PHF7: variants seen among roughly 807,000 people sequenced by gnomAD.
PHF7 encodes the protein E3 ubiquitin-protein ligase PHF7.
A neutral mutation model predicts 47.5 loss-of-function variants in PHF7; 24 were observed. The observed-to-expected ratio is 0.51, with a 90% CI of 0.37 to 0.71. The LOEUF (loss-of-function observed/expected upper bound fraction) is 0.71. Among genes scored for constraint, PHF7 ranks in the 30% least tolerant of loss-of-function variants. The probability of loss-of-function intolerance (pLI) is 0.00; values close to 1 mark genes in which losing one functional copy is unlikely to be tolerated. For missense variants in PHF7, 361 were observed against 456.8 expected, an observed-to-expected ratio of 0.79 and a Z score of 1.91; for synonymous variants, 156 against 153.8, an observed-to-expected ratio of 1.01 and a Z score of -0.11.
At position 52,422,182 on chromosome 3, in the gene PHF7, C is replaced by T. The variant is rs112019952; in HGVS notation, c.681-40C>T. The T allele has an allele frequency of 1.4e-5, 19 of 1,362,848 alleles. 2 individuals are homozygous for T. Among genetic ancestry groups the T allele is most frequent in the African/African-American group, 1.0e-4 (7 of 70,118 alleles). 84.4% of individuals were successfully genotyped at this position (1,362,848 alleles called of 1,614,324 possible). A position where few individuals can be genotyped will look rare whatever the true frequency, so the allele number is the denominator to read the frequency against. On this transcript the variant is annotated intron_variant, in intron 8 of 10. Transcript: ENST00000327906. ...CCCTGATGGACAAAAGTTTCACCAA[C>T]CCATTATGTTCTTATTCACTGTTTC...
chr3:52,422,553 A>G (rs1705823810), intron 9 of PHF7: 2 of 656,424 alleles, frequency 3.0e-6, no homozygotes, highest in Non-Finnish European at 5.3e-6. Flanking sequence ...CAGTGGAGAG[A>G]CATTCAGAGC....
intron 10 of PHF7, 84 bp downstream of exon 10, chr3:52,422,965 C>T: frequency 6.4e-7 from 1 of 1,573,322 alleles, no homozygotes; most frequent in Non-Finnish European, 8.7e-7. Context: ...GAAGACATCC[C>T]ACCAGAGGGG....
chr3:52,421,562 C>A, intron 7 of PHF7, 86 bp from the exon 8 acceptor site: 1 of 814,882 alleles, frequency 1.2e-6, no homozygotes, highest in East Asian at 2.6e-5. Flanking sequence ...TAGCAACATC[C>A]TCTTTGTAGG....
At chr3:52,412,218 A>G (rs1005059612) in intron 1 of PHF7, among the ~76,000 whole-genome samples, 1 of 151,176 alleles carries the variant, frequency 6.6e-6, no homozygotes, top group Non-Finnish European at 1.5e-5. Context: ...AAAAAAAGTG[A>G]TAGAGCCTAG....
chr3:52,414,627 T>C, intron 4 of PHF7, 40 bp downstream of exon 4: 1 of 1,195,586 alleles, frequency 8.4e-7, no homozygotes, highest in Non-Finnish European at 1.2e-6. Flanking sequence ...ATCCTATGGC[T>C]TTTGGTGTAC....
intron 5 of PHF7, 154 bp downstream of exon 5, chr3:52,420,088 TA>T: frequency 1.3e-6 from 1 of 741,340 alleles, no homozygotes; most frequent in Non-Finnish European, 2.4e-6. Context: ...TCCTCTGGGG[TA>T]TGGGTGTCCT....
chr3:52,423,360 C>A lies in PHF7; in HGVS notation c.*43C>A. 1 of 1,295,288 alleles carries A rather than the reference C, an allele frequency of 7.7e-7. No individual in the cohort carries two copies. The highest frequency in any genetic ancestry group is 1.1e-6 in the Non-Finnish European group (1 of 902,868). 80.2% of individuals were successfully genotyped at this position (1,295,288 alleles called of 1,614,324 possible). A position where few individuals can be genotyped will look rare whatever the true frequency, so the allele number is the denominator to read the frequency against. ...CTGTCCCACACAATAGGGTATGAAG[C>A]TGCGCTCCTCCATCGGGTTTGGGGA... is the stretch of plus-strand genomic sequence containing the variant. On this transcript the variant is annotated 3_prime_UTR_variant, in exon 11 of 11. Coordinates refer to ENST00000327906, the MANE Select transcript of PHF7 (RefSeq NM_016483.7).
intron 8 of PHF7, chr3:52,421,997 T>G: frequency 1.7e-6 from 1 of 593,880 alleles, no homozygotes; most frequent in Non-Finnish European, 3.0e-6. Flanking sequence ...GGGGGTTGAG[T>G]TATTGGATTC....
chr3:52,414,708 G>C (rs1452142684), intron 4 of PHF7, 121 bp downstream of exon 4: 1 of 562,826 alleles, frequency 1.8e-6, no homozygotes, highest in Non-Finnish European at 3.1e-6. Context: ...TAGCTTTTTT[G>C]TTTTAAAATC....
chr3:52,417,025 AT>A (rs56060022), intron 4 of PHF7, among the ~76,000 whole-genome samples: 146,669 of 152,182 alleles, frequency 0.96, 70,718 homozygotes, highest in African/African-American at 0.99. Flanking sequence ...CAGTTTATCC[AT>A]TTTTTTCTTT....
At position 52,412,793 on chromosome 3, in the gene PHF7, C is replaced by A; in HGVS notation, c.-69-18C>A. ...ATACAGAATTAAATTGCTTACCAAA[C>A]CCCATTTATATTTATAGCTGGAAGA... On this transcript the variant is annotated intron_variant, in intron 1 of 10. Coordinates refer to ENST00000327906, the MANE Select transcript of PHF7 (RefSeq NM_016483.7). 1 of 1,120,694 alleles carries A rather than the reference C, an allele frequency of 8.9e-7. No homozygotes were observed. Among genetic ancestry groups the A allele is most frequent in the Non-Finnish European group, 1.3e-6 (1 of 753,854 alleles). 69.4% of individuals were successfully genotyped at this position (1,120,694 alleles called of 1,614,324 possible).
intron 2 of PHF7, 52 bp downstream of exon 2, chr3:52,412,972 G>A: frequency 7.1e-7 from 1 of 1,407,498 alleles, no homozygotes; most frequent in Non-Finnish European, 1.0e-6. Context: ...ATGGCCTGTG[G>A]TATAGGCTGC....
At chr3:52,421,112 G>C in intron 7 of PHF7, 50 bp downstream of exon 7, 1 of 1,506,644 alleles carries the variant, frequency 6.6e-7, no homozygotes, top group Non-Finnish European at 9.0e-7. Context: ...CTAGTTCTCT[G>C]CCTGGAACCA....
chr3:52,420,416 C>T lies in PHF7; in HGVS notation c.394C>T (p.Gln132Ter). The T allele has an allele frequency of 6.2e-7, 1 of 1,614,104 alleles. No individual in the cohort carries two copies. Among genetic ancestry groups the T allele is most frequent in the Non-Finnish European group, 8.5e-7 (1 of 1,179,980 alleles). Residue 132 changes from glutamine to a stop codon, truncating the protein, a stop_gained, in exon 6 of 11, where the codon CAA (glutamine) becomes TAA (stop). Transcript: ENST00000327906. LOFTEE classifies it high-confidence loss of function. Reference sequence around the variant, plus strand: ...TGGCCAAGAAAGGGGTTGCCTTTCACAATTTTTTGGAGAGTACAAGTGAGT... The same window carrying T: ...TGGCCAAGAAAGGGGTTGCCTTTCATAATTTTTTGGAGAGTACAAGTGAGT... Reference protein sequence around the residue: ...PCGQERGCLSQFFGEYKSFCD... With the variant: ...PCGQERGCLS
intron 9 of PHF7, 96 bp downstream of exon 9, chr3:52,422,434 A>G (rs1705820588): frequency 1.6e-5 from 14 of 852,084 alleles, no homozygotes; most frequent in Non-Finnish European, 2.2e-5. Flanking sequence ...TCACTCTTGT[A>G]TGCAGACCTT....
chr3:52,411,780 C>G (rs1705447217), intron 1 of PHF7, among the ~76,000 whole-genome samples: 1 of 152,232 alleles, frequency 6.6e-6, no homozygotes. Flanking sequence ...CTAATGAAAA[C>G]AGGTAACAGC....
intron 8 of PHF7, 173 bp from the exon 9 acceptor site, chr3:52,422,049 C>T: frequency 1.5e-6 from 1 of 651,496 alleles, no homozygotes. Context: ...TCCATTCATC[C>T]TGCTTCAACC....
intron 4 of PHF7, among the ~76,000 whole-genome samples, chr3:52,417,887 A>G (rs1013457055): frequency 7.9e-5 from 12 of 152,164 alleles, no homozygotes; most frequent in African/African-American, 2.4e-4. Flanking sequence ...GTTTTTCACT[A>G]TTAAAGTATG....
chr3:52,423,623 A>G lies in PHF7; in HGVS notation c.*306A>G, dbSNP rs1705865732. 1 of 267,674 alleles carries G rather than the reference A, an allele frequency of 3.7e-6. No individual in the cohort carries two copies. Among genetic ancestry groups the G allele is most frequent in the African/African-American group, 2.2e-5 (1 of 45,496 alleles). The allele number at this position is 267,674 out of a possible 1,614,324, so 16.6% of individuals were successfully genotyped here. The stretch of plus-strand genomic sequence containing the variant: ...CTTCACCCATGTTTGTTGTTATGCA[A>G]ATAAAGGTTTTCTCTCCATTGGTGT... On this transcript the variant is annotated 3_prime_UTR_variant, in exon 11 of 11. Coordinates refer to ENST00000327906, the MANE Select transcript of PHF7 (RefSeq NM_016483.7).
Sources: gnomAD v4.1 joint callset for allele counts (sites outside exome capture counted in the v4.1 genomes callset) on GRCh38, gnomAD v4.1.1 for gene constraint, MANE v1.5 for transcripts, NCBI Gene and HGNC (gene_info 2026-07-23, HGNC 2026-07-21) for gene names.